Variants in TPH2 observed in about 807,000 individuals in gnomAD.
TPH2 encodes the protein tryptophan hydroxylase 2.
TPH2 carries 27 observed loss-of-function variants against 59.1 expected under a neutral mutation model. That is an observed-to-expected ratio of 0.46 (90% CI 0.34 to 0.63). The LOEUF (loss-of-function observed/expected upper bound fraction) is 0.63, where lower values mean the gene tolerates loss of function less well. Among genes scored for constraint, TPH2 ranks in the 30% least tolerant of loss-of-function variants. The pLI, the probability that TPH2 is intolerant of heterozygous loss-of-function variation, is 0.01. For synonymous variants in TPH2, 220 were observed against 210.5 expected (o/e 1.05, Z -0.39); for missense variants, 523 against 588.3 (o/e 0.89, Z 1.15).
At chr12:72,013,137 G>T (rs561587471) in intron 8 of TPH2, among the ~76,000 whole-genome samples, 1 of 152,142 alleles carries the variant, frequency 6.6e-6, no homozygotes, top group East Asian at 1.9e-4. Context: ...TATATTTGAT[G>T]ATCAATTTTC....
At chr12:71,974,028 T>C (rs1398748156) in intron 6 of TPH2, among the ~76,000 whole-genome samples, 2 of 152,184 alleles carry the variant, frequency 1.3e-5, no homozygotes, top group Non-Finnish European at 1.5e-5. Context: ...TTTTTCCTTG[T>C]GCTTAAGTCC....
chr12:71,979,853 G>A (rs1197535474), intron 7 of TPH2, among the ~76,000 whole-genome samples: 6 of 152,210 alleles, frequency 3.9e-5, no homozygotes, highest in African/African-American at 1.4e-4. Flanking sequence ...TTTAAAATAT[G>A]TAACAAGCAT....
intron 8 of TPH2, among the ~76,000 whole-genome samples, chr12:71,995,045 C>T (rs765278307): frequency 2.0e-5 from 3 of 151,980 alleles, no homozygotes; most frequent in Non-Finnish European, 4.4e-5. Flanking sequence ...AGGGGTTGCA[C>T]CTGAAACTCT....
chr12:71,975,807 G>T (rs1402643514), intron 6 of TPH2, among the ~76,000 whole-genome samples: 1 of 152,188 alleles, frequency 6.6e-6, no homozygotes, highest in Non-Finnish European at 1.5e-5. Context: ...CACTTAATTA[G>T]CACCTAATTA....
At chr12:71,960,562 G>C (rs973830274) in intron 5 of TPH2, among the ~76,000 whole-genome samples, 1 of 152,186 alleles carries the variant, frequency 6.6e-6, no homozygotes, top group Non-Finnish European at 1.5e-5. Flanking sequence ...AAAGACAAAA[G>C]GGAAAATTGA....
chr12:71,941,998 A>G (rs1269834399), intron 2 of TPH2, among the ~76,000 whole-genome samples: 1 of 152,210 alleles, frequency 6.6e-6, no homozygotes, highest in Non-Finnish European at 1.5e-5. Context: ...CAGTACTTCA[A>G]AAACGTGAGC....
intron 8 of TPH2, among the ~76,000 whole-genome samples, chr12:72,009,925 A>C (rs1233169682): frequency 6.6e-6 from 1 of 152,220 alleles, no homozygotes; most frequent in African/African-American, 2.4e-5. Flanking sequence ...GGTTAGGCAC[A>C]CTTGATTCCA....
chr12:71,938,845 G>A lies in TPH2; in HGVS notation c.-142G>A, dbSNP rs961225966. ...AAGGAGCCCGGGGATGGGAGGATTCGCATTGCTCTTCAGCACCAGGGTTCT... is the reference window on the plus strand; with the variant it reads ...AAGGAGCCCGGGGATGGGAGGATTCACATTGCTCTTCAGCACCAGGGTTCT... On this transcript the variant is annotated 5_prime_UTR_variant, in exon 1 of 11. Coordinates refer to ENST00000333850, the MANE Select transcript of TPH2 (RefSeq NM_173353.4). The A allele has an allele frequency of 4.1e-6, 3 of 728,494 alleles. No homozygotes were observed. Among genetic ancestry groups the A allele is most frequent in the Non-Finnish European group, 7.4e-6 (3 of 404,130 alleles). 45.1% of individuals were successfully genotyped at this position (728,494 alleles called of 1,614,324 possible).
chr12:72,007,137 A>G (rs1470401205), intron 8 of TPH2, among the ~76,000 whole-genome samples: 2 of 152,142 alleles, frequency 1.3e-5, no homozygotes, highest in African/African-American at 4.8e-5. Flanking sequence ...ATAGCATGCT[A>G]CTTTGCAATG....
chr12:71,993,252 A>G (rs900073478), intron 7 of TPH2, among the ~76,000 whole-genome samples: 1 of 152,232 alleles, frequency 6.6e-6, no homozygotes, highest in South Asian at 2.1e-4. Context: ...CTGTGTGACC[A>G]TCCAACATAC....
Position 72,026,059 on chromosome 12 carries a change from G to A in TPH2, c.1164+3565G>A, listed in dbSNP as rs571492315. 8.5e-4 allele frequency among the ~76,000 whole-genome samples: 129 copies of A among 152,276 alleles called. 1 individual carries two copies. The highest frequency in any genetic ancestry group is 3.0e-3 in the African/African-American group (124 of 41,564). On this transcript the variant is annotated intron_variant, in intron 9 of 10. Transcript: ENST00000333850. ...CAGTAAAGTTTGTTCACTTCAGGTG[G>A]TGAGGAAATGATTGCTAGCCAATGA...
chr12:71,975,947 TC>T (rs1275600594), intron 6 of TPH2, among the ~76,000 whole-genome samples: 2 of 152,196 alleles, frequency 1.3e-5, no homozygotes, highest in African/African-American at 4.8e-5. Context: ...ACTGCATTGT[TC>T]CCCAAACCCC....
intron 5 of TPH2, among the ~76,000 whole-genome samples, chr12:71,954,315 T>G (rs1871434571): frequency 6.6e-6 from 1 of 152,114 alleles, no homozygotes; most frequent in African/African-American, 2.4e-5. Context: ...CCTAATTGCC[T>G]CACCAATAAT....
chr12:71,997,241 C>T (rs192510190), intron 8 of TPH2, among the ~76,000 whole-genome samples: 8 of 152,280 alleles, frequency 5.3e-5, no homozygotes, highest in Admixed American at 3.9e-4. Flanking sequence ...CTGACCAAGA[C>T]TGGGAAAAGT....
At chr12:71,946,176 G>C (rs1024299752) in intron 4 of TPH2, among the ~76,000 whole-genome samples, 1 of 152,100 alleles carries the variant, frequency 6.6e-6, no homozygotes, top group African/African-American at 2.4e-5. Flanking sequence ...ACCTCAAAGG[G>C]GTGTTTGAAA....
chr12:71,961,842 C>T, intron 5 of TPH2: 1 of 1,164,032 alleles, frequency 8.6e-7, no homozygotes, highest in Non-Finnish European at 1.1e-6. Flanking sequence ...AATCTTTGTT[C>T]TCCCTGAGGC....
At chr12:71,972,989 T>G (rs906442786) in intron 6 of TPH2, among the ~76,000 whole-genome samples, 3 of 152,156 alleles carry the variant, frequency 2.0e-5, no homozygotes, top group African/African-American at 7.2e-5. Context: ...CTCTGAGCTT[T>G]TTCTGATCCA....
chr12:72,016,762 G>A (rs1303930313), intron 8 of TPH2, among the ~76,000 whole-genome samples: 3 of 152,170 alleles, frequency 2.0e-5, no homozygotes, highest in African/African-American at 4.8e-5. Context: ...TTCCTCACTT[G>A]CTTACTCAGG....
At chr12:72,002,937 A>G (rs1872863872) in intron 8 of TPH2, among the ~76,000 whole-genome samples, 1 of 152,214 alleles carries the variant, frequency 6.6e-6, no homozygotes, top group Non-Finnish European at 1.5e-5. Flanking sequence ...GTACTTTCTC[A>G]TGCTGAGAGT....
Sources: allele counts gnomAD v4.1 joint callset (sites outside exome capture counted in the v4.1 genomes callset), GRCh38; gene constraint gnomAD v4.1.1; transcripts MANE v1.5; gene names NCBI Gene and HGNC (gene_info 2026-07-23, HGNC 2026-07-21).